ZNF385D: variants seen among roughly 807,000 people sequenced by gnomAD.
ZNF385D encodes the protein zinc finger protein 659.
Under a neutral mutation model 35.8 loss-of-function variants are expected in ZNF385D, and 15 were observed. The ratio of observed to expected loss-of-function variants is 0.42; its 90% CI spans 0.28 to 0.64. The LOEUF (loss-of-function observed/expected upper bound fraction) is 0.64. Among genes scored for constraint, ZNF385D ranks in the 30% least tolerant of loss-of-function variants. The pLI, the probability that ZNF385D is intolerant of heterozygous loss-of-function variation, is 0.23. For missense variants in ZNF385D, 474 were observed against 494.6 expected (o/e 0.96, Z 0.39); for synonymous variants, 212 against 186.8 (o/e 1.13, Z -1.10).
intron 3 of ZNF385D, among the ~76,000 whole-genome samples, chr3:22,016,958 A>AG (rs1696926847): frequency 1.4e-5 from 2 of 147,388 alleles, no homozygotes; most frequent in Non-Finnish European, 3.0e-5. Context: ...ACACACACAA[A>AG]CACACACACA....
At chr3:22,215,443 C>T (rs867997105) in intron 2 of ZNF385D, among the ~76,000 whole-genome samples, 1 of 151,962 alleles carries the variant, frequency 6.6e-6, no homozygotes, top group Admixed American at 6.6e-5. Flanking sequence ...TCTAAAATGG[C>T]TGCTTCAGGG....
intron 2 of ZNF385D, among the ~76,000 whole-genome samples, chr3:22,286,649 C>A (rs1702039056): frequency 6.6e-6 from 1 of 152,034 alleles, no homozygotes; most frequent in African/African-American, 2.4e-5. Context: ...TTATTTGACT[C>A]AATAGTTGTT....
intron 3 of ZNF385D, among the ~76,000 whole-genome samples, chr3:22,156,506 G>A (rs1267166551): frequency 1.3e-5 from 2 of 151,990 alleles, no homozygotes; most frequent in African/African-American, 4.8e-5. Context: ...TTTCATGACT[G>A]GTAGATCGAT....
intron 3 of ZNF385D, among the ~76,000 whole-genome samples, chr3:21,940,157 C>T (rs1237808702): frequency 2.0e-5 from 3 of 152,014 alleles, no homozygotes; most frequent in Non-Finnish European, 2.9e-5. Context: ...TGACAAACCA[C>T]GAACTATGAC....
chr3:21,848,455 A>G (rs1696157418), intron 3 of ZNF385D, among the ~76,000 whole-genome samples: 1 of 151,028 alleles, frequency 6.6e-6, no homozygotes, highest in African/African-American at 2.5e-5. Context: ...TATATAAATA[A>G]AATTGAGTTG....
intron 3 of ZNF385D, among the ~76,000 whole-genome samples, chr3:21,852,313 T>C (rs999822425): frequency 6.6e-6 from 1 of 151,874 alleles, no homozygotes; most frequent in African/African-American, 2.4e-5. Flanking sequence ...TTAGAGAAGG[T>C]AGAAATTCCA....
At chr3:22,229,864 TA>T (rs1698780808) in intron 2 of ZNF385D, among the ~76,000 whole-genome samples, 1 of 152,226 alleles carries the variant, frequency 6.6e-6, no homozygotes, top group Admixed American at 6.5e-5. Flanking sequence ...ACCATTGGTT[TA>T]GCCCCTCTCT....
chr3:21,444,393 T>TG lies in ZNF385D; in HGVS notation c.440-7191_440-7190insC, dbSNP rs527757671. On this transcript the variant is annotated intron_variant, in intron 4 of 7. Coordinates refer to ENST00000281523, the MANE Select transcript of ZNF385D (RefSeq NM_024697.3). The stretch of plus-strand genomic sequence containing the variant: ...CAGCACCCGGCCTTTTTTTGTTTTT[T>TG]TTTTTTTTTGAGATGGAGCCTCACT... Among the ~76,000 whole-genome samples the TG allele has an allele frequency of 2.3e-3, 163 of 71,696 alleles. 6 individuals are homozygous for TG. In the East Asian group the frequency reaches 0.06, roughly 26 times the overall value. The allele number at this position is 71,696 out of a possible 152,430, so 47.0% of individuals were successfully genotyped here. A position where few individuals can be genotyped will look rare whatever the true frequency, so the allele number is the denominator to read the frequency against.
intron 3 of ZNF385D, among the ~76,000 whole-genome samples, chr3:21,790,760 C>A (rs1181167444): frequency 6.6e-6 from 1 of 152,186 alleles, no homozygotes; most frequent in South Asian, 2.1e-4. Flanking sequence ...ACTTTTCTCT[C>A]TCCATATGAG....
At chr3:22,087,816 A>G (rs939098420) in intron 3 of ZNF385D, among the ~76,000 whole-genome samples, 2 of 152,232 alleles carry the variant, frequency 1.3e-5, no homozygotes, top group African/African-American at 4.8e-5. Flanking sequence ...GAGAATAATC[A>G]AAGTTTAAAA....
intron 2 of ZNF385D, among the ~76,000 whole-genome samples, chr3:22,215,281 G>A (rs747446471): frequency 4.0e-4 from 61 of 152,176 alleles, no homozygotes; most frequent in Middle Eastern, 6.8e-3. Flanking sequence ...CAAGGAACAA[G>A]AGAGATAACC....
chr3:22,206,323 A>G (rs977516064), intron 2 of ZNF385D, among the ~76,000 whole-genome samples: 4 of 152,042 alleles, frequency 2.6e-5, no homozygotes, highest in African/African-American at 7.2e-5. Context: ...CCCTAATACA[A>G]TAGCCGCTAG....
chr3:22,156,977 C>T (rs2125731756), intron 3 of ZNF385D, among the ~76,000 whole-genome samples: 1 of 152,236 alleles, frequency 6.6e-6, no homozygotes, highest in Non-Finnish European at 1.5e-5. Flanking sequence ...CTATTTTAAC[C>T]TCTCTGAAAA....
intron 2 of ZNF385D, among the ~76,000 whole-genome samples, chr3:22,178,552 A>C (rs1334684933): frequency 6.6e-6 from 1 of 152,068 alleles, no homozygotes; most frequent in Non-Finnish European, 1.5e-5. Flanking sequence ...CTCTGATGGT[A>C]GTTTCTTTTG....
intron 3 of ZNF385D, among the ~76,000 whole-genome samples, chr3:21,878,321 C>G (rs1360880091): frequency 1.3e-5 from 2 of 151,926 alleles, no homozygotes; most frequent in Non-Finnish European, 2.9e-5. Flanking sequence ...GAGATATTGT[C>G]TCATGAACTC....
At chr3:21,746,985 T>C (rs2069802600) in intron 1 of ZNF385D, among the ~76,000 whole-genome samples, 1 of 151,366 alleles carries the variant, frequency 6.6e-6, no homozygotes, top group South Asian at 2.1e-4. Context: ...TACAAATGCG[T>C]CTATTATAGG....
Position 21,821,809 on chromosome 3 carries a change from T to A in ZNF385D, c.326-156781A>T, listed in dbSNP as rs543117594. Among the ~76,000 whole-genome samples, 152 of 151,794 alleles carry A rather than the reference T, an allele frequency of 1.0e-3. 1 individual carries two copies. The highest frequency in any genetic ancestry group is 3.5e-3 in the African/African-American group (143 of 41,398). ...GAACCCATCTCTACAAAATTTTTTT[T>A]AAATTAACCAGGCACGGTAGCACGT... On this transcript the variant is annotated intron_variant, in intron 3 of 5. Transcript: ENST00000494108.
chr3:21,893,384 A>G (rs1381837158), intron 3 of ZNF385D, among the ~76,000 whole-genome samples: 2 of 152,206 alleles, frequency 1.3e-5, no homozygotes, highest in East Asian at 3.8e-4. Flanking sequence ...CCTTGCACAG[A>G]CAGCTTATTC....
intron 2 of ZNF385D, among the ~76,000 whole-genome samples, chr3:22,347,236 G>A (rs1488877954): frequency 1.3e-5 from 2 of 152,086 alleles, no homozygotes; most frequent in African/African-American, 4.8e-5. Flanking sequence ...ATTTAATTAA[G>A]TTTATCATGG....
Sources: gnomAD v4.1 joint callset for allele counts (sites outside exome capture counted in the v4.1 genomes callset) on GRCh38, gnomAD v4.1.1 for gene constraint, MANE v1.5 for transcripts, NCBI Gene and HGNC (gene_info 2026-07-23, HGNC 2026-07-21) for gene names.